Variants in C17orf75 observed in about 807,000 individuals in gnomAD.
C17orf75 encodes the protein protein Njmu-R1.
Under a neutral mutation model 49.6 loss-of-function variants are expected in C17orf75, and 32 were observed. The observed-to-expected ratio is 0.65, with a 90% CI of 0.49 to 0.87. C17orf75 has a LOEUF of 0.87. C17orf75 is among the 40% of genes least tolerant of loss of function. C17orf75 has a pLI of 0.00. For missense variants in C17orf75, 428 were observed against 473.9 expected (o/e 0.90, Z 0.90); for synonymous variants, 158 against 159.5 (o/e 0.99, Z 0.07).
intron 3 of C17orf75, among the ~76,000 whole-genome samples, chr17:32,339,391 T>A (rs895307918): frequency 2.1e-5 from 3 of 144,998 alleles, no homozygotes; most frequent in Non-Finnish European, 3.0e-5. Flanking sequence ...CTGGGCAACA[T>A]GGTAGGACCC....
chr17:32,345,870 C>T (rs931976060), upstream of C17orf75, among the ~76,000 whole-genome samples: 1 of 152,010 alleles, frequency 6.6e-6, no homozygotes, highest in African/African-American at 2.4e-5. Flanking sequence ...CTCCAAGGAC[C>T]TCAGGTTGCT....
At chr17:32,334,720 C>A in intron 7 of C17orf75, 55 bp downstream of exon 7, 1 of 1,567,618 alleles carries the variant, frequency 6.4e-7, no homozygotes, top group Non-Finnish European at 8.7e-7. Flanking sequence ...TTTACAAACA[C>A]AGATGTCAAT....
rs1555600112 is a variant in C17orf75 at position 32,331,615 on chromosome 17, T to TAAG, written c.*145_*147dup. ...TGAAGATGTTCTTCAGATTTTTATT[T>TAAG]AAGTTAAATTGGTAAAATACAAAAA... On this transcript the variant is annotated 3_prime_UTR_variant, in exon 10 of 10. Transcript: ENST00000577809. 6.0e-6 allele frequency: 4 copies of TAAG among 671,718 alleles called. No individual in the cohort carries two copies. The East Asian group carries it at 1.1e-4, about 18-fold the overall frequency. 41.6% of individuals were successfully genotyped at this position (671,718 alleles called of 1,614,324 possible).
intron 2 of C17orf75, among the ~76,000 whole-genome samples, chr17:32,340,399 G>C (rs1284697628): frequency 6.6e-6 from 1 of 152,086 alleles, no homozygotes; most frequent in African/African-American, 2.4e-5. Flanking sequence ...TCAGCACTTT[G>C]GGAGGCCGAG....
At chr17:32,350,011 C>G in exon 1 of C17orf75, 1 of 1,338,792 alleles carries the variant, frequency 7.5e-7, no homozygotes, top group African/African-American at 1.5e-5. Context: ...AAGCGAAAAA[C>G]TCTGAAACGG....
At chr17:32,339,604 T>C (rs1217223013) in intron 3 of C17orf75, among the ~76,000 whole-genome samples, 1 of 151,840 alleles carries the variant, frequency 6.6e-6, no homozygotes, top group Non-Finnish European at 1.5e-5. Flanking sequence ...AATAAACTAA[T>C]TAAATAAAGT....
chr17:32,343,664 G>A, upstream of C17orf75: 1 of 547,672 alleles, frequency 1.8e-6, no homozygotes, highest in Non-Finnish European at 3.3e-6. Context: ...TTGTATTGCA[G>A]AAGTTACTGC....
chr17:32,334,462 A>T lies in C17orf75; in HGVS notation c.871+7T>A, dbSNP rs761554687. 1.5e-5 allele frequency: 24 copies of T among 1,610,108 alleles called. No individual in the cohort carries two copies. The East Asian group carries it at 5.1e-4, about 34-fold the overall frequency. ...GTAGGAAGGCTGCTTCAGAGGTTGT[A>T]GCTCACCTGCATTGCAGAACTGAGG... is the stretch of plus-strand genomic sequence containing the variant. On this transcript the variant is annotated splice_region_variant and intron_variant, in intron 8 of 9. Transcript: ENST00000577809.
At chr17:32,349,740 C>T (rs1262239513) in intron 1 of C17orf75, among the ~76,000 whole-genome samples, 1 of 152,192 alleles carries the variant, frequency 6.6e-6, no homozygotes, top group Non-Finnish European at 1.5e-5. Flanking sequence ...ACTCGTCTGT[C>T]ACCAATCTGC....
chr17:32,349,444 G>A (rs995762781), intron 1 of C17orf75, among the ~76,000 whole-genome samples: 1 of 152,060 alleles, frequency 6.6e-6, no homozygotes, highest in Admixed American at 6.6e-5. Flanking sequence ...AGCCGGGCTT[G>A]GTGGCGCGGG....
Position 32,333,472 on chromosome 17 carries a change from G to C in C17orf75, c.920C>G (p.Ala307Gly). Residue 307 changes from alanine to glycine, a missense_variant, in exon 9 of 10, where the codon GCC becomes GGC. Coordinates refer to ENST00000577809, the MANE Select transcript of C17orf75 (RefSeq NM_022344.4). ...EDWMQAFLNG[A>G]KGGNPFLFRQ... Reference sequence around the variant, plus strand: ...GAAAAGAAAAGGGTTACCTCCTTTGGCACCATTTAAAAAAGCTTGCATCCA... The same window carrying C: ...GAAAAGAAAAGGGTTACCTCCTTTGCCACCATTTAAAAAAGCTTGCATCCA... 6.2e-7 allele frequency: 1 copy of C among 1,613,322 alleles called. No individual in the cohort carries two copies. The highest frequency in any genetic ancestry group is 8.5e-7 in the Non-Finnish European group (1 of 1,179,684).
At chr17:32,341,677 G>C in intron 1 of C17orf75, 1 of 451,094 alleles carries the variant, frequency 2.2e-6, no homozygotes, top group Non-Finnish European at 3.2e-6. Context: ...AAAGGAGAGG[G>C]GACGGGAACT....
At chr17:32,337,818 A>G in intron 5 of C17orf75, 79 bp downstream of exon 5, 1 of 1,302,692 alleles carries the variant, frequency 7.7e-7, no homozygotes, top group South Asian at 1.3e-5. Flanking sequence ...CGGCCTCCCA[A>G]AGTGCTGGGA....
upstream of C17orf75, among the ~76,000 whole-genome samples, chr17:32,345,229 G>C (rs925850008): frequency 6.6e-6 from 1 of 152,176 alleles, no homozygotes; most frequent in Non-Finnish European, 1.5e-5. Context: ...TGTAATCCCA[G>C]CACTTTGGGA....
chr17:32,349,444 G>C (rs995762781), intron 1 of C17orf75, among the ~76,000 whole-genome samples: 1 of 152,060 alleles, frequency 6.6e-6, no homozygotes, highest in Non-Finnish European at 1.5e-5. Flanking sequence ...AGCCGGGCTT[G>C]GTGGCGCGGG....
intron 1 of C17orf75, 74 bp downstream of exon 1, chr17:32,341,926 G>A (rs1286772355): frequency 1.8e-4 from 213 of 1,191,680 alleles, no homozygotes; most frequent in South Asian, 8.4e-4. Context: ...GGGGTGGGGT[G>A]CAAGGCCGGG....
chr17:32,343,968 C>T (rs899481821), upstream of C17orf75: 7 of 684,060 alleles, frequency 1.0e-5, no homozygotes, highest in Admixed American at 6.1e-5. Flanking sequence ...AACACTTCAT[C>T]GGGGTTCATA....
chr17:32,339,816 A>G lies in C17orf75; in HGVS notation c.344T>C (p.Leu115Pro). Residue 115 changes from leucine to proline, a missense_variant, in exon 3 of 10, where the codon CTA becomes CCA. Coordinates refer to ENST00000577809, the MANE Select transcript of C17orf75 (RefSeq NM_022344.4). ...ACACAGCACATTTTGCACTTACTTT[A>G]GCTCCACAGATGCAACATTACCCAG... ...EGLGNVASVELKIPGYRVGCY... is the reference protein window; with the variant it reads ...EGLGNVASVEPKIPGYRVGCY... 1 of 1,613,828 alleles carries G rather than the reference A, an allele frequency of 6.2e-7. No individual in the cohort carries two copies. Among genetic ancestry groups the G allele is most frequent in the Non-Finnish European group, 8.5e-7 (1 of 1,179,850 alleles).
In C17orf75 at chr17:32,338,325, TA is replaced by T; in HGVS notation, c.373del (p.Tyr125IlefsTer15). On this transcript the variant is annotated frameshift_variant, in exon 4 of 10. Coordinates refer to ENST00000577809, the MANE Select transcript of C17orf75 (RefSeq NM_022344.4). LOFTEE classifies it high-confidence loss of function. ...TTTTTCATTTTGGAAAAGGCAGTAA[TA>T]ACAACCAACTCGGTAACCTGGAATT... ...LKIPGYRVGC[Y>X]YCLFQNEKLL... The T allele has an allele frequency of 6.2e-7, 1 of 1,610,246 alleles. No homozygotes were observed. The highest frequency in any genetic ancestry group is 8.5e-7 in the Non-Finnish European group (1 of 1,179,024).
Sources: allele counts gnomAD v4.1 joint callset (sites outside exome capture counted in the v4.1 genomes callset), GRCh38; gene constraint gnomAD v4.1.1; transcripts MANE v1.5; gene names NCBI Gene and HGNC (gene_info 2026-07-23, HGNC 2026-07-21).